Variants in VPS41 observed in about 807,000 individuals in gnomAD.
VPS41 encodes vacuolar protein sorting-associated protein 41 homolog.
A neutral mutation model predicts 130.9 loss-of-function variants in VPS41; 85 were observed. That is an observed-to-expected ratio of 0.65 (90% CI 0.55 to 0.78). The LOEUF (loss-of-function observed/expected upper bound fraction) is 0.78. VPS41 is among the 30% of genes least tolerant of loss of function. The probability of loss-of-function intolerance (pLI) is 0.00; values close to 1 mark genes in which losing one functional copy is unlikely to be tolerated. For missense variants in VPS41, 874 were observed against 1,018.7 expected, an observed-to-expected ratio of 0.86 and a Z score of 1.93; for synonymous variants, 335 against 332.9, an observed-to-expected ratio of 1.01 and a Z score of -0.07.
chr7:38,848,185 G>A (rs150999955), intron 4 of VPS41, among the ~76,000 whole-genome samples: 2 of 152,270 alleles, frequency 1.3e-5, no homozygotes, highest in East Asian at 1.9e-4. Context: ...TTGCTACATC[G>A]AAAAGACATT....
At chr7:38,866,836 C>G (rs1441598646) in intron 3 of VPS41, among the ~76,000 whole-genome samples, 1 of 151,972 alleles carries the variant, frequency 6.6e-6, no homozygotes, top group Non-Finnish European at 1.5e-5. Flanking sequence ...CACAAATGAT[C>G]AATAGGAAAA....
At chr7:38,885,313 T>A (rs536339445) in intron 2 of VPS41, among the ~76,000 whole-genome samples, 4 of 152,268 alleles carry the variant, frequency 2.6e-5, no homozygotes, top group African/African-American at 9.6e-5. Context: ...CACCTCATAA[T>A]CCACTGAGAC....
intron 4 of VPS41, among the ~76,000 whole-genome samples, chr7:38,838,838 T>C (rs1785547366): frequency 6.6e-6 from 1 of 152,206 alleles, no homozygotes; most frequent in Non-Finnish European, 1.5e-5. Context: ...TAGGAATAAA[T>C]TCACGGTCAT....
At chr7:38,797,768 G>A (rs573825878) in intron 7 of VPS41, among the ~76,000 whole-genome samples, 8 of 152,148 alleles carry the variant, frequency 5.3e-5, no homozygotes, top group Non-Finnish European at 1.2e-4. Flanking sequence ...AGAGGCAGGG[G>A]AAACAGGTTA....
At chr7:38,878,182 A>G (rs1562620497) in intron 2 of VPS41, among the ~76,000 whole-genome samples, 1 of 152,224 alleles carries the variant, frequency 6.6e-6, no homozygotes, top group Non-Finnish European at 1.5e-5. Flanking sequence ...GAAAACTAAC[A>G]AAAGTAAAGC....
intron 14 of VPS41, among the ~76,000 whole-genome samples, chr7:38,770,987 T>A (rs751192322): frequency 1.3e-5 from 2 of 152,128 alleles, no homozygotes; most frequent in Non-Finnish European, 2.9e-5. Context: ...GTTTCCAAAT[T>A]ACCTAAAACT....
At chr7:38,728,167 C>T (rs1400498908) in intron 27 of VPS41, among the ~76,000 whole-genome samples, 1 of 152,144 alleles carries the variant, frequency 6.6e-6, no homozygotes, top group Admixed American at 6.5e-5. Context: ...TTACCCTAGA[C>T]TAGCAGTTCT....
At chr7:38,785,461 G>A (rs1481368551) in intron 10 of VPS41, among the ~76,000 whole-genome samples, 4 of 152,146 alleles carry the variant, frequency 2.6e-5, no homozygotes, top group African/African-American at 9.7e-5. Context: ...ATTTAATTCC[G>A]TATTTTATAA....
chr7:38,801,380 T>A (rs1784722510), intron 7 of VPS41, among the ~76,000 whole-genome samples: 1 of 152,206 alleles, frequency 6.6e-6, no homozygotes, highest in African/African-American at 2.4e-5. Context: ...TTTAACTAAT[T>A]AATATTACAA....
chr7:38,741,962 T>C, intron 25 of VPS41, 23 bp downstream of exon 25: 2 of 1,611,782 alleles, frequency 1.2e-6, no homozygotes, highest in South Asian at 2.2e-5. Context: ...CAGATGCTCA[T>C]TTGTCCAAGA....
At chr7:38,903,696 G>A (rs1787193232) in intron 1 of VPS41, among the ~76,000 whole-genome samples, 1 of 152,160 alleles carries the variant, frequency 6.6e-6, no homozygotes, top group Non-Finnish European at 1.5e-5. Context: ...ATAGGCACAG[G>A]AAGGAGGAAA....
intron 17 of VPS41, among the ~76,000 whole-genome samples, chr7:38,763,017 A>C (rs1017028): frequency 0.67 from 102,225 of 151,974 alleles, 34,787 homozygotes; most frequent in Non-Finnish European, 0.73. Flanking sequence ...AAAACAATAA[A>C]TTTTTTTAAA....
intron 3 of VPS41, among the ~76,000 whole-genome samples, chr7:38,868,901 C>G (rs1450123663): frequency 6.6e-6 from 1 of 152,152 alleles, no homozygotes. Context: ...TCATATAAAT[C>G]TTTGACTTTG....
chr7:38,725,639 C>T lies in VPS41; in HGVS notation c.*607G>A, dbSNP rs1253418522. 1 of 152,356 alleles carries T rather than the reference C, an allele frequency of 6.6e-6. No homozygotes were observed. Among genetic ancestry groups the T allele is most frequent in the Non-Finnish European group, 1.5e-5 (1 of 68,150 alleles). The allele number at this position is 152,356 out of a possible 1,614,324, so 9.4% of individuals were successfully genotyped here. The stretch of plus-strand genomic sequence containing the variant: ...ACTCTTTGACAGTCGTCACAGCACA[C>T]AGAACATGTGATTAGTAAACATAAT... On this transcript the variant is annotated 3_prime_UTR_variant, in exon 29 of 29. Coordinates refer to ENST00000310301, the MANE Select transcript of VPS41 (RefSeq NM_014396.4).
chr7:38,846,964 A>G (rs1016838375), intron 4 of VPS41, among the ~76,000 whole-genome samples: 2 of 96,016 alleles, frequency 2.1e-5, no homozygotes, highest in Non-Finnish European at 6.2e-5. Flanking sequence ...GCAACTAGGC[A>G]AAGTATGACT....
chr7:38,842,698 T>C (rs1278593069), intron 4 of VPS41, among the ~76,000 whole-genome samples: 1 of 152,234 alleles, frequency 6.6e-6, no homozygotes, highest in African/African-American at 2.4e-5. Context: ...GTATAGGCCA[T>C]GCATAGCCTC....
intron 1 of VPS41, among the ~76,000 whole-genome samples, chr7:38,905,600 A>G (rs544031912): frequency 3.3e-5 from 5 of 152,352 alleles, no homozygotes; most frequent in Admixed American, 2.0e-4. Flanking sequence ...TTCTTCTGAA[A>G]ATAAATGGGG....
chr7:38,749,017 T>A (rs551150925), intron 22 of VPS41, among the ~76,000 whole-genome samples: 1 of 152,280 alleles, frequency 6.6e-6, no homozygotes, highest in East Asian at 1.9e-4. Flanking sequence ...ATACAAATAA[T>A]TTTTATTATC....
intron 9 of VPS41, among the ~76,000 whole-genome samples, chr7:38,790,544 T>C (rs557900766): frequency 6.6e-6 from 1 of 152,302 alleles, no homozygotes; most frequent in East Asian, 1.9e-4. Flanking sequence ...AACTTGACCT[T>C]GCTGTACACC....
Sources: gnomAD v4.1 joint callset for allele counts (sites outside exome capture counted in the v4.1 genomes callset) on GRCh38, gnomAD v4.1.1 for gene constraint, MANE v1.5 for transcripts, NCBI Gene and HGNC (gene_info 2026-07-23, HGNC 2026-07-21) for gene names.